The following PTGES variants were observed in gnomAD, a reference collection of about 807,000 sequenced individuals.
PTGES encodes the protein prostaglandin E synthase.
PTGES carries 3 observed loss-of-function variants against 11.8 expected under a neutral mutation model. That is an observed-to-expected ratio of 0.25 (90% confidence interval 0.12 to 0.66). The LOEUF (loss-of-function observed/expected upper bound fraction) is 0.66. Ranked by LOEUF, PTGES falls within the 30% of genes least tolerant of loss-of-function variation. The pLI, the probability that PTGES is intolerant of heterozygous loss-of-function variation, is 0.82. For synonymous variants in PTGES, 94 were observed against 90.4 expected, an observed-to-expected ratio of 1.04 and a Z score of -0.22; for missense variants, 180 against 213.0, an observed-to-expected ratio of 0.85 and a Z score of 0.96.
intron 1 of PTGES, among the ~76,000 whole-genome samples, 188 bp from the exon 2 acceptor site, chr9:129,748,925 C>T (rs1372163044): frequency 6.6e-6 from 1 of 152,192 alleles, no homozygotes; most frequent in Non-Finnish European, 1.5e-5. Context: ...AAAGGCCCCC[C>T]TGTCTCTGCT....
chr9:129,738,928 A>G lies in PTGES; in HGVS notation c.*683T>C, dbSNP rs1036350633. On this transcript the variant is annotated 3_prime_UTR_variant, in exon 3 of 3. Coordinates refer to ENST00000340607, the MANE Select transcript of PTGES (RefSeq NM_004878.5). The surrounding 1 kb of genome is among the most constrained non-coding windows in gnomAD (Gnocchi z 4.2). The stretch of plus-strand genomic sequence containing the variant: ...GGCCGGTGGATCACTTGAGGCCAGG[A>G]GTTCGAGACCCTCCTGGGCAACATG... 6.6e-6 allele frequency: 1 copy of G among 152,392 alleles called. No individual in the cohort carries two copies. Among genetic ancestry groups the G allele is most frequent in the Admixed American group, 6.5e-5 (1 of 15,288 alleles). The allele number at this position is 152,392 out of a possible 1,614,324, so 9.4% of individuals were successfully genotyped here.
At chr9:129,747,993 G>A (rs1972919) in intron 2 of PTGES, among the ~76,000 whole-genome samples, 1 of 118,816 alleles carries the variant, frequency 8.4e-6, no homozygotes, top group Admixed American at 1.1e-4. Flanking sequence ...CTGGGCAACA[G>A]AGTGAGACTC....
At chr9:129,740,060 G>A (rs1832980549) in intron 2 of PTGES, among the ~76,000 whole-genome samples, 200 bp from the exon 3 acceptor site, 1 of 152,018 alleles carries the variant, frequency 6.6e-6, no homozygotes, top group African/African-American at 2.4e-5. Flanking sequence ...GCTTATGCTT[G>A]CAAGCAGCTG....
At chr9:129,742,813 A>T (rs1468586712) in intron 2 of PTGES, among the ~76,000 whole-genome samples, 1 of 152,058 alleles carries the variant, frequency 6.6e-6, no homozygotes, top group African/African-American at 2.4e-5. Context: ...CAGAGGTTGC[A>T]GTGAGCCAAC....
intron 2 of PTGES, among the ~76,000 whole-genome samples, chr9:129,741,914 A>G (rs1386741211): frequency 1.3e-5 from 2 of 151,992 alleles, no homozygotes; most frequent in African/African-American, 2.4e-5. Context: ...TCAAAAAAAT[A>G]AATAAATAAA....
intron 2 of PTGES, among the ~76,000 whole-genome samples, chr9:129,744,693 A>T (rs376520082): frequency 6.6e-6 from 1 of 151,888 alleles, no homozygotes. Context: ...CCTAGCCAAC[A>T]TGGTGAAATC....
rs1833041884 is a variant in PTGES at position 129,745,634 on chromosome 9, C to T, written c.209+3021G>A. Among the ~76,000 whole-genome samples the T allele has an allele frequency of 6.6e-6, 1 of 152,162 alleles. No homozygotes were observed. The highest frequency in any genetic ancestry group is 1.9e-4 in the East Asian group (1 of 5,200). ...TTGGGCCCAGTATACAGTCGGCTTCCAGTAAGTCCTCACCAAATGGCTATA... is the reference window on the plus strand; with the variant it reads ...TTGGGCCCAGTATACAGTCGGCTTCTAGTAAGTCCTCACCAAATGGCTATA... On this transcript the variant is annotated intron_variant, in intron 2 of 2. Coordinates refer to ENST00000340607, the MANE Select transcript of PTGES (RefSeq NM_004878.5). This position sits in a 1 kb window ranked among gnomAD's most constrained non-coding sequence, Gnocchi z 4.2.
chr9:129,741,912 AT>A (rs1832998278), intron 2 of PTGES, among the ~76,000 whole-genome samples: 3 of 152,068 alleles, frequency 2.0e-5, no homozygotes, highest in Admixed American at 2.0e-4. Flanking sequence ...TCTCAAAAAA[AT>A]AAATAAATAA....
chr9:129,752,899 C>A lies in PTGES; in HGVS notation c.114G>T (p.Arg38Ser). The A allele has an allele frequency of 6.2e-7, 1 of 1,614,010 alleles. No individual in the cohort carries two copies. The highest frequency in any genetic ancestry group is 1.1e-5 in the South Asian group (1 of 91,088). Reference protein sequence around the residue: ...YVVAIITGQVRLRKKAFANPE... With the variant: ...YVVAIITGQVSLRKKAFANPE... ...GGGAGGCACATACCTTCTTCCGCAG[C>A]CTCACTTGGCCCGTGATGATGGCCA... Residue 38 changes from arginine (R) to serine (S), a missense_variant, in exon 1 of 3, where the codon AGG becomes AGT. Coordinates refer to ENST00000340607, the MANE Select transcript of PTGES (RefSeq NM_004878.5).
Position 129,748,077 on chromosome 9 carries a change from A to C in PTGES, c.209+578T>G, listed in dbSNP as rs150395280. ...TCTGTTCATAACACAGAAGGAGCCCAAATGCCCATCGCAGGGGAATTGGTT... is the reference window on the plus strand; with the variant it reads ...TCTGTTCATAACACAGAAGGAGCCCCAATGCCCATCGCAGGGGAATTGGTT... On this transcript the variant is annotated intron_variant, in intron 2 of 2. Coordinates refer to ENST00000340607, the MANE Select transcript of PTGES (RefSeq NM_004878.5). Among the ~76,000 whole-genome samples the C allele has an allele frequency of 6.1e-3, 919 of 151,174 alleles. 9 individuals are homozygous for C. The highest frequency in any genetic ancestry group is 0.022 in the African/African-American group (884 of 41,068).
At chr9:129,751,613 A>G (rs986208993) in intron 1 of PTGES, among the ~76,000 whole-genome samples, 1 of 151,720 alleles carries the variant, frequency 6.6e-6, no homozygotes, top group East Asian at 1.9e-4. Flanking sequence ...CAGGAGGTGG[A>G]GGTTGCAGTA....
Position 129,739,532 on chromosome 9 carries a change from A to C in PTGES, c.*79T>G, listed in dbSNP as rs1832972246. 2 of 1,485,692 alleles carry C rather than the reference A, an allele frequency of 1.3e-6. No individual in the cohort carries two copies. Among genetic ancestry groups the C allele is most frequent in the Non-Finnish European group, 1.8e-6 (2 of 1,116,456 alleles). The allele number at this position is 1,485,692 out of a possible 1,614,324, so 92.0% of individuals were successfully genotyped here. A position where few individuals can be genotyped will look rare whatever the true frequency, so the allele number is the denominator to read the frequency against. On this transcript the variant is annotated 3_prime_UTR_variant, in exon 3 of 3. Transcript: ENST00000340607. The surrounding 1 kb of genome is among the most constrained non-coding windows in gnomAD (Gnocchi z 5.7). ...GGACTCAGGGCCCACCACAATCTGG[A>C]AGGAACATCAAGTCCCCAGGTATAG...
Position 129,745,812 on chromosome 9 carries a change from CTG to C in PTGES, c.209+2841_209+2842del, listed in dbSNP as rs1289047299. 1.3e-5 allele frequency among the ~76,000 whole-genome samples: 2 copies of C among 152,038 alleles called. No individual in the cohort carries two copies. Among genetic ancestry groups the C allele is most frequent in the Non-Finnish European group, 2.9e-5 (2 of 68,028 alleles). ...TGGAAGCCCGAGGCAGGTGGATCAC[CTG>C]AGGTCAGGAGTTTGAGACCAGCCTG... On this transcript the variant is annotated intron_variant, in intron 2 of 2. Coordinates refer to ENST00000340607, the MANE Select transcript of PTGES (RefSeq NM_004878.5). The surrounding 1 kb of genome is among the most constrained non-coding windows in gnomAD (Gnocchi z 4.2).
At chr9:129,744,473 G>C (rs1385086809) in intron 2 of PTGES, among the ~76,000 whole-genome samples, 4 of 151,832 alleles carry the variant, frequency 2.6e-5, no homozygotes, top group Non-Finnish European at 5.9e-5. Context: ...TACTCAGGAG[G>C]CTGAGGTGAG....
rs142384117 is a variant in PTGES at position 129,745,158 on chromosome 9, GT to G, written c.209+3496del. Among the ~76,000 whole-genome samples, 14,224 of 152,194 alleles carry G rather than the reference GT, an allele frequency of 0.093. 712 individuals are homozygous for G. Among genetic ancestry groups the G allele is most frequent in the East Asian group, 0.2 (1,015 of 5,170 alleles). Reference sequence around the variant, plus strand: ...GAAATGCTCCAAGCTTAGGTCGCACGTTTGCCTCTCTTCTTTGGGACCACAC... The same window carrying G: ...GAAATGCTCCAAGCTTAGGTCGCACGTTGCCTCTCTTCTTTGGGACCACAC... On this transcript the variant is annotated intron_variant, in intron 2 of 2. Transcript: ENST00000340607. This position sits in a 1 kb window ranked among gnomAD's most constrained non-coding sequence, Gnocchi z 4.2.
Position 129,739,580 on chromosome 9 carries a change from G to A in PTGES, c.*31C>T, listed in dbSNP as rs1335202365. ...TAGCCACGGCGGCTCTTGGCCCATG[G>A]TCTGGTGGCCAAGGAGGCATCAGCT... On this transcript the variant is annotated 3_prime_UTR_variant, in exon 3 of 3. Coordinates refer to ENST00000340607, the MANE Select transcript of PTGES (RefSeq NM_004878.5). The surrounding 1 kb of genome is among the most constrained non-coding windows in gnomAD (Gnocchi z 5.7). 1.3e-6 allele frequency: 2 copies of A among 1,542,992 alleles called. No homozygotes were observed. The highest frequency in any genetic ancestry group is 1.4e-5 in the African/African-American group (1 of 73,030).
At position 129,739,705 on chromosome 9, in the gene PTGES, C is replaced by T. The variant is rs551621700; in HGVS notation, c.365G>A (p.Arg122Gln). The T allele has an allele frequency of 5.1e-6, 8 of 1,569,348 alleles. No individual in the cohort carries two copies. Among genetic ancestry groups the T allele is most frequent in the South Asian group, 3.5e-5 (3 of 85,302 alleles). ...AHTVAYLGKL[R>Q]APIRSVTYTL... is the part of the protein sequence containing the mutation. ...GTAGGTCACGGAGCGGATGGGTGCC[C>T]GCAGCTTCCCCAGGTAGGCCACGGT... Residue 122 changes from arginine to glutamine, a missense_variant, in exon 3 of 3, where the codon CGG becomes CAG. By Grantham distance (43) the Arg-to-Gln change is conservative (BLOSUM62 1). Transcript: ENST00000340607. This position sits in a 1 kb window ranked among gnomAD's most constrained non-coding sequence, Gnocchi z 5.7.
At position 129,739,844 on chromosome 9, in the gene PTGES, T is replaced by G; in HGVS notation, c.226A>C (p.Met76Leu). Residue 76 changes from methionine (M) to leucine (L), a missense_variant, in exon 3 of 3, where the codon ATG becomes CTG. Coordinates refer to ENST00000340607, the MANE Select transcript of PTGES (RefSeq NM_004878.5). The surrounding 1 kb of genome is among the most constrained non-coding windows in gnomAD (Gnocchi z 5.7). ...ERCLRAHRND[M>L]ETIYPFLFLG... is the part of the protein sequence containing the mutation. ...AAAAGGAAGGGGTAGATGGTCTCCATGTCGTTCCGGTGGGCCCTGGGGAGA... is the reference window on the plus strand; with the variant it reads ...AAAAGGAAGGGGTAGATGGTCTCCAGGTCGTTCCGGTGGGCCCTGGGGAGA... The G allele has an allele frequency of 6.4e-7, 1 of 1,568,974 alleles. No homozygotes were observed.
chr9:129,748,617 G>A, intron 2 of PTGES, 38 bp downstream of exon 2: 1 of 1,494,614 alleles, frequency 6.7e-7, no homozygotes, highest in Non-Finnish European at 8.9e-7. Context: ...GGCAGGCCAT[G>A]GCCAGGTGTG....
Sources: gnomAD v4.1 joint callset for allele counts (sites outside exome capture counted in the v4.1 genomes callset) on GRCh38, gnomAD v4.1.1 for gene constraint, Gnocchi (gnomAD v3.1) non-coding constraint, MANE v1.5 for transcripts, NCBI Gene and HGNC (gene_info 2026-07-23, HGNC 2026-07-21) for gene names.